Variants in DPP10 observed in about 807,000 individuals in gnomAD.
DPP10 encodes dipeptidyl peptidase like 10, also known as inactive dipeptidyl peptidase 10.
A neutral mutation model predicts 120.9 loss-of-function variants in DPP10; 33 were observed. That is an observed-to-expected ratio of 0.27 (90% CI 0.21 to 0.37). The LOEUF is 0.37. Among genes scored for constraint, DPP10 ranks in the 10% least tolerant of loss-of-function variants. The pLI is 1.00. For synonymous variants in DPP10, 337 were observed against 326.1 expected (o/e 1.03, Z -0.36); for missense variants, 816 against 942.8 (o/e 0.87, Z 1.76).
At chr2:115,498,201 T>C (rs2076503625) in intron 3 of DPP10, among the ~76,000 whole-genome samples, 1 of 152,204 alleles carries the variant, frequency 6.6e-6, no homozygotes, top group South Asian at 2.1e-4. Flanking sequence ...TGGCCCTCTG[T>C]GTTATTCTTG....
intron 5 of DPP10, among the ~76,000 whole-genome samples, chr2:115,588,988 AC>A (rs907866843): frequency 5.3e-5 from 8 of 152,222 alleles, no homozygotes; most frequent in African/African-American, 1.9e-4. Context: ...TACTTGTAAA[AC>A]GAAAAATTGG....
At chr2:115,396,161 G>A (rs1330403372) in intron 3 of DPP10, among the ~76,000 whole-genome samples, 1 of 152,142 alleles carries the variant, frequency 6.6e-6, no homozygotes, top group African/African-American at 2.4e-5. Context: ...TTACCTCACA[G>A]ATTGTCAAGC....
intron 7 of DPP10, among the ~76,000 whole-genome samples, chr2:115,726,919 G>T (rs757305733): frequency 6.9e-6 from 1 of 144,606 alleles, no homozygotes; most frequent in South Asian, 2.2e-4. Context: ...TAGAATGTTT[G>T]ATCTAAATAG....
chr2:115,191,677 C>T (rs1188427601), intron 1 of DPP10, among the ~76,000 whole-genome samples: 1 of 152,096 alleles, frequency 6.6e-6, no homozygotes, highest in African/African-American at 2.4e-5. Flanking sequence ...TATTATGGGT[C>T]CATCCTTTTT....
At chr2:114,946,338 G>C (rs1697345341) in intron 1 of DPP10, among the ~76,000 whole-genome samples, 1 of 152,008 alleles carries the variant, frequency 6.6e-6, no homozygotes, top group Admixed American at 6.5e-5. Flanking sequence ...TCTTTAAAAA[G>C]TTTTTTTAAA....
chr2:114,478,947 C>CCATGTTCATGGA (rs1680768473), intron 1 of DPP10, among the ~76,000 whole-genome samples: 1 of 121,250 alleles, frequency 8.2e-6, no homozygotes, highest in African/African-American at 3.1e-5. Flanking sequence ...GAAATATATT[C>CCATGTTCATGGA]TTAATTTCTT....
At chr2:115,810,081 G>C (rs935428975) in intron 19 of DPP10, among the ~76,000 whole-genome samples, 3 of 151,606 alleles carry the variant, frequency 2.0e-5, no homozygotes, top group Non-Finnish European at 4.4e-5. Context: ...GAGAATTGCT[G>C]AACCCGGGAG....
chr2:114,677,289 A>G (rs1698734922), intron 1 of DPP10, among the ~76,000 whole-genome samples: 1 of 152,126 alleles, frequency 6.6e-6, no homozygotes, highest in Admixed American at 6.6e-5. Context: ...CACAGTTGTG[A>G]TTGTACATTT....
intron 3 of DPP10, among the ~76,000 whole-genome samples, chr2:115,494,586 C>T (rs567075331): frequency 7.8e-4 from 119 of 152,162 alleles, no homozygotes; most frequent in African/African-American, 2.8e-3. Flanking sequence ...CTAGATTTAC[C>T]ATTGATATAT....
At chr2:114,499,071 T>G (rs1452009090) in intron 1 of DPP10, among the ~76,000 whole-genome samples, 2 of 152,232 alleles carry the variant, frequency 1.3e-5, no homozygotes, top group African/African-American at 2.4e-5. Context: ...CCCATAGTCC[T>G]GAAGTCAAAT....
intron 1 of DPP10, among the ~76,000 whole-genome samples, chr2:115,100,748 C>T (rs984724411): frequency 2.0e-5 from 3 of 152,120 alleles, no homozygotes; most frequent in Admixed American, 6.6e-5. Flanking sequence ...TAACCTGTGA[C>T]ACAAAGATGT....
chr2:115,514,053 T>G (rs1288776863), intron 4 of DPP10, among the ~76,000 whole-genome samples: 2 of 151,944 alleles, frequency 1.3e-5, no homozygotes, highest in Non-Finnish European at 2.9e-5. Context: ...GTTGACAAGC[T>G]TTTTCTTTTA....
intron 1 of DPP10, among the ~76,000 whole-genome samples, chr2:114,925,210 C>CA (rs66986816): frequency 0.39 from 40,543 of 104,424 alleles, 7,772 homozygotes; most frequent in East Asian, 0.52. Flanking sequence ...GACTCTGTCT[C>CA]AAAAAAAAAA....
rs117506495 is a variant in DPP10, at chr2:115,446,150, C to T, written c.272-53360C>T. Among the ~76,000 whole-genome samples, 1,212 of 152,324 alleles carry T rather than the reference C, an allele frequency of 8.0e-3. 30 individuals carry two copies. Among genetic ancestry groups the T allele is most frequent in the East Asian group, 0.032 (165 of 5,174 alleles). On this transcript the variant is annotated intron_variant, in intron 3 of 25. Transcript: ENST00000410059. Reference sequence around the variant, plus strand: ...GGGTGCAAGCGCCAAGCCTTGGTGGCTTCCATGTGAAGTTGAGGCTGCCAG... The same window carrying T: ...GGGTGCAAGCGCCAAGCCTTGGTGGTTTCCATGTGAAGTTGAGGCTGCCAG...
chr2:115,544,459 A>G (rs534297662), intron 5 of DPP10, among the ~76,000 whole-genome samples: 27 of 152,182 alleles, frequency 1.8e-4, no homozygotes, highest in African/African-American at 5.8e-4. Context: ...GAGAGAGTGT[A>G]ATCTCAATTG....
At chr2:115,156,364 C>T (rs1316197564) in intron 1 of DPP10, among the ~76,000 whole-genome samples, 1 of 152,152 alleles carries the variant, frequency 6.6e-6, no homozygotes, top group African/African-American at 2.4e-5. Flanking sequence ...AGCGGATGCT[C>T]TAGGGCTATT....
Position 114,747,368 on chromosome 2 carries a change from G to A in DPP10, c.60+304530G>A, listed in dbSNP as rs529875860. On this transcript the variant is annotated intron_variant, in intron 1 of 25. Transcript: ENST00000410059. Reference sequence around the variant, plus strand: ...CTATAAGATCCTTTATTTAAGGGCCGTTGAAAGGATTTTTAGACACAAATA... The same window carrying A: ...CTATAAGATCCTTTATTTAAGGGCCATTGAAAGGATTTTTAGACACAAATA... 6.8e-4 allele frequency among the ~76,000 whole-genome samples: 103 copies of A among 152,188 alleles called. 1 individual carries two copies. The Middle Eastern group carries it at 0.024, about 35-fold the overall frequency.
chr2:115,308,277 G>A (rs2061437488), intron 1 of DPP10, among the ~76,000 whole-genome samples: 1 of 152,104 alleles, frequency 6.6e-6, no homozygotes, highest in Non-Finnish European at 1.5e-5. Flanking sequence ...TTGTGCACAT[G>A]TAGTGAGCTG....
At chr2:115,570,979 G>A (rs2081304800) in intron 5 of DPP10, among the ~76,000 whole-genome samples, 1 of 152,100 alleles carries the variant, frequency 6.6e-6, no homozygotes, top group African/African-American at 2.4e-5. Context: ...GAGTCGGTGG[G>A]CATTAACCAC....
Sources: gnomAD v4.1 joint callset for allele counts (sites outside exome capture counted in the v4.1 genomes callset) on GRCh38, gnomAD v4.1.1 for gene constraint, MANE v1.5 for transcripts, NCBI Gene and HGNC (gene_info 2026-07-23, HGNC 2026-07-21) for gene names.